The following SETBP1 variants were observed in gnomAD, a reference collection of about 807,000 sequenced individuals.
SETBP1 encodes SET-binding protein.
In SETBP1, 9 loss-of-function variants were observed where a neutral mutation model predicts 101.0. The observed-to-expected ratio is 0.09, with a 90% CI of 0.05 to 0.16. The LOEUF (loss-of-function observed/expected upper bound fraction) is 0.16. Among genes scored for constraint, SETBP1 ranks in the 10% least tolerant of loss-of-function variants. The pLI, the probability that SETBP1 is intolerant of heterozygous loss-of-function variation, is 1.00. For missense variants in SETBP1, 1,858 were observed against 2,033.8 expected (o/e 0.91, Z 1.66); for synonymous variants, 818 against 788.5 (o/e 1.04, Z -0.63).
rs532064733 is a variant in SETBP1 at position 44,992,735 on chromosome 18, G to A, written c.4000+39395G>A. Among the ~76,000 whole-genome samples the A allele has an allele frequency of 1.7e-4, 26 of 151,908 alleles. No homozygotes were observed. The East Asian group carries it at 2.7e-3, about 16-fold the overall frequency. ...TTTAAAAATCGTTTAAATAAAAATG[G>A]TCCAAACGTTTTACAGTTAGTTCTG... On this transcript the variant is annotated intron_variant, in intron 4 of 5. Coordinates refer to ENST00000649279, the MANE Select transcript of SETBP1 (RefSeq NM_015559.3).
intron 2 of SETBP1, among the ~76,000 whole-genome samples, chr18:44,769,516 G>A (rs1599100902): frequency 6.6e-6 from 1 of 152,196 alleles, no homozygotes; most frequent in African/African-American, 2.4e-5. Context: ...CTTAAGCCAA[G>A]TTCTCCAATA....
intron 2 of SETBP1, among the ~76,000 whole-genome samples, chr18:44,753,751 G>T (rs960729883): frequency 4.6e-5 from 7 of 152,322 alleles, no homozygotes; most frequent in South Asian, 2.1e-4. Context: ...GAACACTAAA[G>T]GTGGTGTGTG....
At chr18:44,695,068 G>T (rs2068992986) in intron 1 of SETBP1, among the ~76,000 whole-genome samples, 1 of 152,082 alleles carries the variant, frequency 6.6e-6, no homozygotes, top group South Asian at 2.1e-4. Flanking sequence ...AAAGGCAAAG[G>T]GGGCATGGAA....
chr18:44,734,964 G>C (rs938756762), intron 2 of SETBP1, among the ~76,000 whole-genome samples: 1 of 152,186 alleles, frequency 6.6e-6, no homozygotes, highest in Non-Finnish European at 1.5e-5. Context: ...ATATCGAAGT[G>C]TGTTATGTTC....
chr18:45,018,670 GAT>G (rs1325837316), intron 4 of SETBP1, among the ~76,000 whole-genome samples: 2 of 152,158 alleles, frequency 1.3e-5, no homozygotes, highest in Non-Finnish European at 2.9e-5. Flanking sequence ...AATTCCTTAA[GAT>G]ATCTCATTTT....
At chr18:44,763,292 T>C (rs941323415) in intron 2 of SETBP1, among the ~76,000 whole-genome samples, 5 of 152,176 alleles carry the variant, frequency 3.3e-5, no homozygotes, top group Admixed American at 2.6e-4. Flanking sequence ...AAGTCAAACT[T>C]TGATGGGCAG....
At chr18:44,994,595 T>A (rs1172087747) in intron 4 of SETBP1, among the ~76,000 whole-genome samples, 1 of 152,166 alleles carries the variant, frequency 6.6e-6, no homozygotes, top group African/African-American at 2.4e-5. Context: ...AATGTGCTCA[T>A]AGGGAAAATT....
In SETBP1 at chr18:44,833,271, G is replaced by C. The variant is rs150838731; in HGVS notation, c.487-35959G>C. ...ACATGTTCAAGTTTACTTTTAGAATGTTGGAAGCAGCAGTTGTGTTTAAGG... is the reference window on the plus strand; with the variant it reads ...ACATGTTCAAGTTTACTTTTAGAATCTTGGAAGCAGCAGTTGTGTTTAAGG... On this transcript the variant is annotated intron_variant, in intron 2 of 5. Transcript: ENST00000649279. Among the ~76,000 whole-genome samples the C allele has an allele frequency of 2.5e-3, 379 of 152,340 alleles. 1 individual carries two copies. Among genetic ancestry groups the C allele is most frequent in the African/African-American group, 8.9e-3 (369 of 41,570 alleles).
At chr18:44,910,066 G>A (rs904810183) in intron 3 of SETBP1, among the ~76,000 whole-genome samples, 3 of 152,182 alleles carry the variant, frequency 2.0e-5, no homozygotes, top group Non-Finnish European at 4.4e-5. Context: ...CATAACTATC[G>A]GATGGGTGTT....
chr18:44,797,505 C>T (rs1439858791), intron 2 of SETBP1, among the ~76,000 whole-genome samples: 1 of 152,168 alleles, frequency 6.6e-6, no homozygotes, highest in Non-Finnish European at 1.5e-5. Flanking sequence ...AGCACCAAGC[C>T]ACTACCCTGT....
intron 2 of SETBP1, among the ~76,000 whole-genome samples, chr18:44,832,417 G>A (rs1193044320): frequency 6.6e-6 from 1 of 152,188 alleles, no homozygotes; most frequent in East Asian, 1.9e-4. Flanking sequence ...AAATGCTGAT[G>A]CCCCTGGCTC....
intron 2 of SETBP1, among the ~76,000 whole-genome samples, chr18:44,764,443 CCTTCTTTCTT>C (rs1432053022): frequency 8.6e-5 from 13 of 152,032 alleles, no homozygotes; most frequent in Non-Finnish European, 1.5e-4. Context: ...TCTTCTTCTT[CCTTCTTTCTT>C]CTTCTTTCTT....
At chr18:44,909,342 G>C (rs781572494) in intron 3 of SETBP1, among the ~76,000 whole-genome samples, 60 of 152,214 alleles carry the variant, frequency 3.9e-4, no homozygotes, top group Non-Finnish European at 6.8e-4. Context: ...TATTTGAATG[G>C]ACCAGAATCC....
chr18:44,884,448 T>C (rs1443902550), intron 3 of SETBP1, among the ~76,000 whole-genome samples: 1 of 152,192 alleles, frequency 6.6e-6, no homozygotes, highest in Non-Finnish European at 1.5e-5. Context: ...TTCCCAAGGC[T>C]TTTGCCACTT....
chr18:44,932,077 C>T (rs999930739), intron 3 of SETBP1, among the ~76,000 whole-genome samples: 8 of 152,166 alleles, frequency 5.3e-5, no homozygotes, highest in African/African-American at 1.4e-4. Flanking sequence ...GTGGCTGGTA[C>T]TGGTTGTTCC....
At chr18:44,995,537 G>T (rs1452812821) in intron 4 of SETBP1, among the ~76,000 whole-genome samples, 101 of 148,082 alleles carry the variant, frequency 6.8e-4, no homozygotes, top group African/African-American at 2.4e-3. Context: ...TTTTGTGTGT[G>T]TGTGTGTGTG....
At chr18:44,704,210 G>A (rs942423045) in intron 2 of SETBP1, among the ~76,000 whole-genome samples, 1 of 152,242 alleles carries the variant, frequency 6.6e-6, no homozygotes, top group Non-Finnish European at 1.5e-5. Flanking sequence ...AAGCTGAAAT[G>A]TGCAGTGGAC....
intron 3 of SETBP1, among the ~76,000 whole-genome samples, chr18:44,931,650 T>G (rs1215709462): frequency 1.3e-5 from 2 of 152,224 alleles, no homozygotes; most frequent in African/African-American, 4.8e-5. Flanking sequence ...ATATTTAGGA[T>G]AGTTAGCTCT....
intron 3 of SETBP1, among the ~76,000 whole-genome samples, chr18:44,915,099 A>T (rs2070396637): frequency 6.6e-6 from 1 of 152,134 alleles, no homozygotes; most frequent in African/African-American, 2.4e-5. Context: ...TAATGAAGAA[A>T]TTTTGCCTAC....
Sources: allele counts gnomAD v4.1 joint callset (sites outside exome capture counted in the v4.1 genomes callset), GRCh38; gene constraint gnomAD v4.1.1; transcripts MANE v1.5; gene names NCBI Gene and HGNC (gene_info 2026-07-23, HGNC 2026-07-21).